Variants in ZBTB20 observed in about 807,000 individuals in gnomAD.
ZBTB20 encodes zinc finger and BTB domain-containing protein 20.
Under a neutral mutation model 56.9 loss-of-function variants are expected in ZBTB20, and 9 were observed. The observed-to-expected ratio is 0.16, with a 90% confidence interval of 0.10 to 0.28. The LOEUF is 0.28. Among genes scored for constraint, ZBTB20 ranks in the 10% least tolerant of loss-of-function variants. ZBTB20 has a pLI of 1.00. For synonymous variants in ZBTB20, 417 were observed against 420.7 expected (o/e 0.99, Z 0.11); for missense variants, 655 against 1,003.0 (o/e 0.65, Z 4.69).
At chr3:114,548,350 T>C (rs2050145801) in intron 6 of ZBTB20, among the ~76,000 whole-genome samples, 1 of 152,166 alleles carries the variant, frequency 6.6e-6, no homozygotes, top group African/African-American at 2.4e-5. Flanking sequence ...CCTTCAGTAC[T>C]GACCTTTTAC....
chr3:114,365,510 G>C (rs927218720), intron 10 of ZBTB20, among the ~76,000 whole-genome samples: 3 of 152,092 alleles, frequency 2.0e-5, no homozygotes, highest in African/African-American at 4.8e-5. Flanking sequence ...CAGTGTGTAG[G>C]GGGTGGATTT....
intron 6 of ZBTB20, among the ~76,000 whole-genome samples, chr3:114,666,244 C>G (rs961423555): frequency 1.3e-5 from 2 of 152,128 alleles, no homozygotes; most frequent in African/African-American, 4.8e-5. Flanking sequence ...CATCCAACAG[C>G]ACCAGTGTTA....
At chr3:114,868,080 A>C (rs1485127314) in intron 4 of ZBTB20, among the ~76,000 whole-genome samples, 1 of 152,174 alleles carries the variant, frequency 6.6e-6, no homozygotes, top group Non-Finnish European at 1.5e-5. Context: ...CCATCATCTA[A>C]GCTAAAAAAC....
rs541493760 is a variant in ZBTB20, at chr3:114,364,259, C to T, written c.200-12381G>A. On this transcript the variant is annotated intron_variant, in intron 10 of 11. Transcript: ENST00000675478. ...TTGAGTTTAGGAGTTTGAGACCAGC[C>T]TAGCCAACATGGTGAAACCTCGTCT... Among the ~76,000 whole-genome samples, 6 of 152,252 alleles carry T rather than the reference C, an allele frequency of 3.9e-5. No homozygotes were observed. In the South Asian group the frequency reaches 1.2e-3, roughly 32 times the overall value.
intron 6 of ZBTB20, among the ~76,000 whole-genome samples, chr3:114,544,469 CTTTCTTTCTTTT>C (rs1577426455): frequency 1.3e-5 from 1 of 77,422 alleles, no homozygotes; most frequent in Non-Finnish European, 2.6e-5. Context: ...TTCTTTCTTT[CTTTCTTTCTTTT>C]TCTTTCACTT....
chr3:114,872,380 C>T (rs34097643), intron 4 of ZBTB20, among the ~76,000 whole-genome samples: 2 of 152,102 alleles, frequency 1.3e-5, no homozygotes, highest in African/African-American at 2.4e-5. Flanking sequence ...TATAGTTGCA[C>T]ACATTTTGTG....
chr3:114,695,414 C>T (rs1217288974), intron 5 of ZBTB20, among the ~76,000 whole-genome samples: 1 of 151,948 alleles, frequency 6.6e-6, no homozygotes, highest in Non-Finnish European at 1.5e-5. Flanking sequence ...CATTGGCACA[C>T]ATCGAGATTT....
At chr3:115,076,255 C>A (rs1174809898) in intron 1 of ZBTB20, among the ~76,000 whole-genome samples, 1 of 152,036 alleles carries the variant, frequency 6.6e-6, no homozygotes, top group Non-Finnish European at 1.5e-5. Context: ...CCAAATCGAT[C>A]TTGAGAAAGA....
chr3:114,989,301 G>A (rs1276402389), intron 2 of ZBTB20, among the ~76,000 whole-genome samples: 1 of 152,164 alleles, frequency 6.6e-6, no homozygotes, highest in Non-Finnish European at 1.5e-5. Flanking sequence ...AAGGGATCCA[G>A]TTTCAGCTTT....
intron 1 of ZBTB20, among the ~76,000 whole-genome samples, chr3:115,145,250 AT>A (rs774492126): frequency 6.6e-6 from 1 of 152,068 alleles, no homozygotes; most frequent in Non-Finnish European, 1.5e-5. Context: ...AATCAATGTA[AT>A]TTTTTTTCTT....
chr3:114,531,993 C>A (rs1376784551), intron 6 of ZBTB20, among the ~76,000 whole-genome samples: 1 of 152,226 alleles, frequency 6.6e-6, no homozygotes. Flanking sequence ...TCACAACCTG[C>A]AGACCAGGAG....
chr3:115,106,286 T>C (rs951444327), intron 1 of ZBTB20, among the ~76,000 whole-genome samples: 2 of 149,754 alleles, frequency 1.3e-5, no homozygotes, highest in Non-Finnish European at 3.0e-5. Flanking sequence ...CAGGCTGTAG[T>C]GCAGTGGCCC....
At chr3:114,861,589 C>G (rs575205830) in intron 4 of ZBTB20, among the ~76,000 whole-genome samples, 1 of 152,112 alleles carries the variant, frequency 6.6e-6, no homozygotes, top group African/African-American at 2.4e-5. Context: ...GGTTTGAAAT[C>G]ACAGCCTGTT....
chr3:114,977,257 A>AATC (rs1012246554), intron 2 of ZBTB20, among the ~76,000 whole-genome samples: 69 of 152,350 alleles, frequency 4.5e-4, no homozygotes, highest in African/African-American at 1.6e-3. Flanking sequence ...TGTAACAAAT[A>AATC]ATCAAAAAAA....
chr3:114,833,288 T>C (rs964331374), intron 4 of ZBTB20, among the ~76,000 whole-genome samples: 2 of 152,180 alleles, frequency 1.3e-5, no homozygotes, highest in East Asian at 1.9e-4. Flanking sequence ...TCTGGTTGTA[T>C]TACAGCAAAA....
chr3:114,845,249 A>C (rs1322684135), intron 4 of ZBTB20, among the ~76,000 whole-genome samples: 1 of 151,326 alleles, frequency 6.6e-6, no homozygotes, highest in Non-Finnish European at 1.5e-5. Context: ...TTAAAATTTC[A>C]AATAGTGAAA....
intron 5 of ZBTB20, among the ~76,000 whole-genome samples, chr3:114,779,473 C>T (rs1317623236): frequency 6.6e-6 from 1 of 152,166 alleles, no homozygotes; most frequent in East Asian, 1.9e-4. Flanking sequence ...GAACTCACGG[C>T]ACCGAAGAAT....
At chr3:114,369,943 G>T (rs1014198376) in intron 10 of ZBTB20, among the ~76,000 whole-genome samples, 1 of 152,170 alleles carries the variant, frequency 6.6e-6, no homozygotes, top group South Asian at 2.1e-4. Flanking sequence ...GTTACTGAGG[G>T]TAAGGAACTG....
intron 5 of ZBTB20, among the ~76,000 whole-genome samples, chr3:114,787,798 C>T (rs1387819494): frequency 3.3e-5 from 5 of 152,012 alleles, no homozygotes; most frequent in Non-Finnish European, 7.4e-5. Context: ...CAAATAAAGC[C>T]ATGGTTTCTC....
Sources: allele counts gnomAD v4.1 joint callset (sites outside exome capture counted in the v4.1 genomes callset), GRCh38; gene constraint gnomAD v4.1.1; transcripts MANE v1.5; gene names NCBI Gene and HGNC (gene_info 2026-07-23, HGNC 2026-07-21).